AKAP6: variants seen among roughly 807,000 people sequenced by gnomAD.
AKAP6 encodes A-kinase anchoring protein 6.
Under a neutral mutation model 188.5 loss-of-function variants are expected in AKAP6, and 58 were observed. The ratio of observed to expected loss-of-function variants is 0.31; its 90% CI spans 0.25 to 0.38. The LOEUF is 0.38. AKAP6 is among the 10% of genes least tolerant of loss of function. The pLI is 1.00. For synonymous variants in AKAP6, 989 were observed against 998.6 expected (o/e 0.99, Z 0.18); for missense variants, 2,710 against 2,740.0 (o/e 0.99, Z 0.24).
chr14:32,483,011 A>G (rs28688767), intron 2 of AKAP6, among the ~76,000 whole-genome samples: 94,008 of 148,256 alleles, frequency 0.63, 30,652 homozygotes, highest in East Asian at 0.86. Context: ...ATATATATAT[A>G]TGTATCTTGC....
intron 2 of AKAP6, among the ~76,000 whole-genome samples, chr14:32,481,965 T>A (rs1951197): frequency 0.024 from 3,651 of 152,098 alleles, 156 homozygotes; most frequent in African/African-American, 0.083. Flanking sequence ...AGCTATACAA[T>A]TCTGGCTCCT....
Position 32,668,557 on chromosome 14 carries a change from A to G in AKAP6, c.2731-9754A>G, listed in dbSNP as rs539466399. ...TTTAAAATTGAATTTCCTAAACATT[A>G]TAGTGAATGTTTCTAATAATTTGCA... On this transcript the variant is annotated intron_variant, in intron 7 of 13. Coordinates refer to ENST00000280979, the MANE Select transcript of AKAP6 (RefSeq NM_004274.5). Among the ~76,000 whole-genome samples, 25 of 152,302 alleles carry G rather than the reference A, an allele frequency of 1.6e-4. No individual in the cohort carries two copies. In the East Asian group the frequency reaches 4.6e-3, roughly 28 times the overall value.
At chr14:32,453,310 C>G (rs1890998096) in intron 2 of AKAP6, among the ~76,000 whole-genome samples, 1 of 152,178 alleles carries the variant, frequency 6.6e-6, no homozygotes, top group African/African-American at 2.4e-5. Context: ...TAGGTTAGAC[C>G]TCAGCCCTCT....
chr14:32,526,892 T>C (rs1882159231), intron 2 of AKAP6, among the ~76,000 whole-genome samples: 2 of 152,222 alleles, frequency 1.3e-5, no homozygotes, highest in Admixed American at 1.3e-4. Context: ...TGCATAGCTT[T>C]CCACATTGTC....
intron 12 of AKAP6, among the ~76,000 whole-genome samples, chr14:32,775,432 CCTT>C (rs146407297): frequency 0.058 from 8,491 of 146,430 alleles, 299 homozygotes; most frequent in Non-Finnish European, 0.083. Context: ...ACATTTTTAT[CCTT>C]TTTTTTTTTT....
At chr14:32,428,661 C>T (rs188730422) in intron 1 of AKAP6, among the ~76,000 whole-genome samples, 2 of 152,198 alleles carry the variant, frequency 1.3e-5, no homozygotes, top group African/African-American at 2.4e-5. Flanking sequence ...GCTTTGATGG[C>T]GATGTAGCTG....
At chr14:32,353,515 C>T (rs1034682559) in intron 1 of AKAP6, among the ~76,000 whole-genome samples, 1 of 152,128 alleles carries the variant, frequency 6.6e-6, no homozygotes, top group Non-Finnish European at 1.5e-5. Context: ...GAGCCGAGAT[C>T]GTGCCACTGC....
At chr14:32,656,399 G>C (rs1032350883) in intron 7 of AKAP6, among the ~76,000 whole-genome samples, 2 of 152,128 alleles carry the variant, frequency 1.3e-5, no homozygotes, top group Non-Finnish European at 2.9e-5. Context: ...ACTGCCTGTA[G>C]TATGAGAAAT....
chr14:32,624,690 A>G (rs1372852496), intron 7 of AKAP6, among the ~76,000 whole-genome samples: 1 of 152,154 alleles, frequency 6.6e-6, no homozygotes, highest in African/African-American at 2.4e-5. Flanking sequence ...GTAGAGTGCT[A>G]AGTAAGACAA....
At chr14:32,351,511 G>A (rs1212799721) in intron 1 of AKAP6, among the ~76,000 whole-genome samples, 2 of 149,864 alleles carry the variant, frequency 1.3e-5, no homozygotes, top group Non-Finnish European at 2.9e-5. Context: ...GTAGTGAGTC[G>A]AGATTGCACA....
intron 12 of AKAP6, among the ~76,000 whole-genome samples, chr14:32,811,607 G>A (rs373486731): frequency 1.3e-5 from 2 of 152,168 alleles, no homozygotes; most frequent in Non-Finnish European, 2.9e-5. Flanking sequence ...GCCCTCTCAC[G>A]TATGGGATCT....
At chr14:32,367,398 T>A (rs773019392) in intron 1 of AKAP6, among the ~76,000 whole-genome samples, 6 of 152,216 alleles carry the variant, frequency 3.9e-5, no homozygotes, top group Non-Finnish European at 1.5e-5. Context: ...TTTTAAAAAT[T>A]ATTAATTGTT....
At position 32,600,583 on chromosome 14, in the gene AKAP6, A is replaced by AT. The variant is rs766747413; in HGVS notation, c.2567-44dup. On this transcript the variant is annotated intron_variant, in intron 6 of 13. Transcript: ENST00000280979. ...TACTAAATAAAAATAATGAGTAAAG[A>AT]TTCATTCAGGCCCACAACTTCTGCT... 3.2e-6 allele frequency: 5 copies of AT among 1,540,800 alleles called. No individual in the cohort carries two copies. In the South Asian group the frequency reaches 6.4e-5, roughly 20 times the overall value.
chr14:32,556,628 C>G (rs560707335), intron 4 of AKAP6, among the ~76,000 whole-genome samples: 9 of 152,168 alleles, frequency 5.9e-5, no homozygotes, highest in African/African-American at 2.2e-4. Flanking sequence ...CAGGCATAAG[C>G]CCCCGCACCT....
intron 2 of AKAP6, among the ~76,000 whole-genome samples, chr14:32,462,414 G>C (rs1891360528): frequency 6.6e-6 from 1 of 152,120 alleles, no homozygotes; most frequent in Non-Finnish European, 1.5e-5. Flanking sequence ...GAAGAGAGTG[G>C]GGGCCAATAT....
chr14:32,386,503 T>C (rs1303559591), intron 1 of AKAP6, among the ~76,000 whole-genome samples: 1 of 152,190 alleles, frequency 6.6e-6, no homozygotes, highest in East Asian at 1.9e-4. Flanking sequence ...TTCTGGATAT[T>C]AGTCCACAGT....
chr14:32,749,270 C>A (rs75171964), intron 11 of AKAP6, among the ~76,000 whole-genome samples: 1 of 152,088 alleles, frequency 6.6e-6, no homozygotes, highest in African/African-American at 2.4e-5. Context: ...GTAAGAGCTA[C>A]CTTTTTCCAT....
chr14:32,750,263 A>G (rs1409473926), intron 11 of AKAP6, among the ~76,000 whole-genome samples: 1 of 152,066 alleles, frequency 6.6e-6, no homozygotes, highest in African/African-American at 2.4e-5. Context: ...CACTTTTACA[A>G]TTTAAAAATG....
At chr14:32,552,800 T>C (rs1018626468) in intron 4 of AKAP6, among the ~76,000 whole-genome samples, 6 of 152,232 alleles carry the variant, frequency 3.9e-5, no homozygotes, top group African/African-American at 1.2e-4. Flanking sequence ...AGAAAGACTA[T>C]GTAAATGTGG....
Sources: allele counts gnomAD v4.1 joint callset (sites outside exome capture counted in the v4.1 genomes callset), GRCh38; gene constraint gnomAD v4.1.1; transcripts MANE v1.5; gene names NCBI Gene and HGNC (gene_info 2026-07-23, HGNC 2026-07-21).